DCLK1: variants seen among roughly 807,000 people sequenced by gnomAD.
DCLK1 encodes the protein serine/threonine-protein kinase DCLK1.
DCLK1 carries 16 observed loss-of-function variants against 86.2 expected under a neutral mutation model. That is an observed-to-expected ratio of 0.19 (90% confidence interval 0.13 to 0.28). The LOEUF (loss-of-function observed/expected upper bound fraction) is 0.28. DCLK1 is among the 10% of genes least tolerant of loss of function. DCLK1 has a pLI of 1.00. For missense variants in DCLK1, 590 were observed against 940.2 expected, an observed-to-expected ratio of 0.63 and a Z score of 4.87; for synonymous variants, 369 against 370.5, an observed-to-expected ratio of 1.00 and a Z score of 0.05.
chr13:36,081,380 A>G (rs1321929087), intron 3 of DCLK1, among the ~76,000 whole-genome samples: 1 of 152,150 alleles, frequency 6.6e-6, no homozygotes, highest in Non-Finnish European at 1.5e-5. Flanking sequence ...GCCAAGTTAT[A>G]AAAAATCTAA....
At chr13:35,966,728 G>T (rs1401607688) in intron 3 of DCLK1, among the ~76,000 whole-genome samples, 13 of 152,096 alleles carry the variant, frequency 8.5e-5, no homozygotes, top group Non-Finnish European at 1.6e-4. Flanking sequence ...CTGGTCTCCA[G>T]CTCCTGACCG....
chr13:35,889,642 C>T (rs894944647), intron 4 of DCLK1, among the ~76,000 whole-genome samples: 1 of 152,024 alleles, frequency 6.6e-6, no homozygotes, highest in Admixed American at 6.6e-5. Context: ...CGTTTTCTTT[C>T]CCCCCTTAAG....
At chr13:36,103,526 C>A (rs1175692982) in intron 3 of DCLK1, among the ~76,000 whole-genome samples, 1 of 151,412 alleles carries the variant, frequency 6.6e-6, no homozygotes, top group Non-Finnish European at 1.5e-5. Flanking sequence ...CTTCAAAATT[C>A]TTTACATTGA....
chr13:35,850,266 A>G, intron 6 of DCLK1: 2 of 984,440 alleles, frequency 2.0e-6, no homozygotes, highest in Non-Finnish European at 2.4e-6. Flanking sequence ...AAACAATATA[A>G]CCTTTAGAAA....
chr13:35,804,606 T>A (rs1180641111), intron 15 of DCLK1, among the ~76,000 whole-genome samples: 1 of 151,872 alleles, frequency 6.6e-6, no homozygotes, highest in African/African-American at 2.4e-5. Context: ...CTAATTTTTG[T>A]ATTTTTAGTA....
chr13:36,129,450 T>G (rs73165337), intron 1 of DCLK1, among the ~76,000 whole-genome samples: 3 of 152,286 alleles, frequency 2.0e-5, no homozygotes, highest in Admixed American at 6.5e-5. Flanking sequence ...GGCAATGGTG[T>G]CGACAAAAGA....
chr13:35,788,444 C>T (rs148473572), intron 16 of DCLK1, among the ~76,000 whole-genome samples: 23 of 152,274 alleles, frequency 1.5e-4, no homozygotes, highest in African/African-American at 5.5e-4. Context: ...ATACTGACAA[C>T]AAAAAGGCAG....
intron 6 of DCLK1, among the ~76,000 whole-genome samples, chr13:35,843,829 T>A (rs1351526672): frequency 6.6e-6 from 1 of 152,222 alleles, no homozygotes; most frequent in Non-Finnish European, 1.5e-5. Context: ...GATTTCTGAA[T>A]CAATCTTATA....
At position 36,125,885 on chromosome 13, in the gene DCLK1, C is replaced by G; in HGVS notation, c.253G>C (p.Glu85Gln). The change falls in exon 2 of 17, where the codon GAG (glutamate) becomes CAG (glutamine). Residue 85 changes from glutamate (E) to glutamine (Q), a missense_variant. By Grantham distance (29) the Glu-to-Gln change is conservative (BLOSUM62 2). This residue lies in a region of DCLK1 where 195 missense variants were observed against 365.1 expected (regional missense o/e 0.53). Coordinates refer to ENST00000360631, the MANE Select transcript of DCLK1 (RefSeq NM_001330071.2). ...AISPDRFRSF[E>Q]ALLADLTRTL... is the part of the protein sequence containing the mutation. ...CGGGTCAAATCAGCCAGCAGGGCCT[C>G]AAAAGATCGGAACCGGTCTGGGGAG... The G allele has an allele frequency of 6.2e-7, 1 of 1,614,228 alleles. No individual in the cohort carries two copies. Among genetic ancestry groups the G allele is most frequent in the East Asian group, 2.2e-5 (1 of 44,874 alleles).
rs565718420 is a variant in DCLK1, at chr13:35,988,935, C to T, written c.724-41478G>A. Among the ~76,000 whole-genome samples, 6 of 152,216 alleles carry T rather than the reference C, an allele frequency of 3.9e-5. 1 individual carries two copies. The highest frequency in any genetic ancestry group is 9.6e-5 in the African/African-American group (4 of 41,538). ...CAACTCACAGGGTATCATCAGCACA[C>T]GCCATGAAGGACGCAAACTCCAGGA... On this transcript the variant is annotated intron_variant, in intron 3 of 16. Coordinates refer to ENST00000360631, the MANE Select transcript of DCLK1 (RefSeq NM_001330071.2).
At chr13:35,847,505 T>C in intron 6 of DCLK1, 1 of 985,124 alleles carries the variant, frequency 1.0e-6, no homozygotes, top group Non-Finnish European at 1.2e-6. Context: ...TGGCCACATA[T>C]GAAAAATTTA....
At chr13:35,848,923 AG>A (rs1450447242) in intron 6 of DCLK1, 5 of 985,260 alleles carry the variant, frequency 5.1e-6, no homozygotes, top group Non-Finnish European at 6.0e-6. Flanking sequence ...AAAATAAAGC[AG>A]CCTTTTGATC....
At position 35,884,634 on chromosome 13, in the gene DCLK1, T is replaced by A. The variant is rs1873118292; in HGVS notation, c.824-13294A>T. On this transcript the variant is annotated intron_variant, in intron 4 of 16. Transcript: ENST00000360631. ...TACGGCTCCTTTAAGCCTGACTTTA[T>A]CCCAGTCATGCAGAAAAGCAAGGAT... 2.6e-5 allele frequency among the ~76,000 whole-genome samples: 4 copies of A among 152,196 alleles called. No homozygotes were observed. The South Asian group carries it at 8.3e-4, about 31-fold the overall frequency.
chr13:35,846,387 A>G, intron 6 of DCLK1: 1 of 985,410 alleles, frequency 1.0e-6, no homozygotes, highest in Non-Finnish European at 1.2e-6. Context: ...TAACTTTTAG[A>G]TATCTACTAC....
At chr13:36,051,715 A>G (rs1413023015) in intron 3 of DCLK1, among the ~76,000 whole-genome samples, 1 of 152,164 alleles carries the variant, frequency 6.6e-6, no homozygotes, top group African/African-American at 2.4e-5. Context: ...CTTGTTTTAC[A>G]GTAGTGAAAA....
rs1876822998 is a variant in DCLK1, at chr13:35,937,383, C to G, written c.823+9975G>C. Among the ~76,000 whole-genome samples the G allele has an allele frequency of 2.0e-5, 3 of 152,212 alleles. No individual in the cohort carries two copies. In the South Asian group the frequency reaches 6.2e-4, roughly 32 times the overall value. ...ACCTCTCCTTTCTCATCATCCTGCCCCACCCACCTCATCCCCATTCCAATC... is the reference window on the plus strand; with the variant it reads ...ACCTCTCCTTTCTCATCATCCTGCCGCACCCACCTCATCCCCATTCCAATC... On this transcript the variant is annotated intron_variant, in intron 4 of 16. Coordinates refer to ENST00000360631, the MANE Select transcript of DCLK1 (RefSeq NM_001330071.2).
intron 4 of DCLK1, among the ~76,000 whole-genome samples, chr13:35,946,780 A>T (rs1274050979): frequency 6.6e-6 from 1 of 152,192 alleles, no homozygotes; most frequent in Non-Finnish European, 1.5e-5. Flanking sequence ...TTTCACATTC[A>T]TTTCCTAAGA....
intron 3 of DCLK1, among the ~76,000 whole-genome samples, chr13:36,052,495 T>C (rs1024481877): frequency 5.3e-5 from 8 of 152,284 alleles, no homozygotes; most frequent in Middle Eastern, 3.4e-3. Context: ...CTTAGGTTGA[T>C]AATTCATTCA....
chr13:36,069,718 C>T (rs1013838788), intron 3 of DCLK1, among the ~76,000 whole-genome samples: 6 of 152,164 alleles, frequency 3.9e-5, no homozygotes, highest in African/African-American at 1.4e-4. Flanking sequence ...TTTTGTGTTG[C>T]TTTGGAATTG....
Sources: gnomAD v4.1 joint callset for allele counts (sites outside exome capture counted in the v4.1 genomes callset) on GRCh38, gnomAD v4.1.1 for gene constraint, gnomAD v4.1.1 regional missense constraint, MANE v1.5 for transcripts, NCBI Gene and HGNC (gene_info 2026-07-23, HGNC 2026-07-21) for gene names.